RAF1: variants seen among roughly 807,000 people sequenced by gnomAD.
The protein encoded by RAF1 is RAF proto-oncogene serine/threonine-protein kinase.
In RAF1, 27 loss-of-function variants were observed where a neutral mutation model predicts 81.1. That is an observed-to-expected ratio of 0.33 (90% confidence interval 0.25 to 0.46). RAF1 has a LOEUF of 0.46. Among genes scored for constraint, RAF1 ranks in the 20% least tolerant of loss-of-function variants. RAF1 has a pLI of 1.00. For synonymous variants in RAF1, 298 were observed against 294.0 expected, an observed-to-expected ratio of 1.01 and a Z score of -0.14; for missense variants, 598 against 826.0, an observed-to-expected ratio of 0.72 and a Z score of 3.38.
chr3:12,587,652 G>A lies in RAF1; in HGVS notation c.1431-15C>T. The A allele has an allele frequency of 6.3e-7, 1 of 1,599,984 alleles. No homozygotes were observed. Among genetic ancestry groups the A allele is most frequent in the East Asian group, 2.2e-5 (1 of 44,820 alleles). On this transcript the variant is annotated splice_polypyrimidine_tract_variant and intron_variant, in intron 13 of 17. Transcript: ENST00000442415. ...CATGCAAATAGCTGTGAAGGGAAAA[G>A]AAATTATTAAAAATAAGTTTGAGGG... is the stretch of plus-strand genomic sequence containing the variant.
chr3:12,620,548 G>A (rs910508647), intron 1 of RAF1, among the ~76,000 whole-genome samples: 1 of 152,054 alleles, frequency 6.6e-6, no homozygotes, highest in Non-Finnish European at 1.5e-5. Context: ...ACAGCTCACT[G>A]CAGCTTCAAT....
At chr3:12,635,637 C>CAAAAA (rs34576938) in intron 1 of RAF1, among the ~76,000 whole-genome samples, 6 of 73,276 alleles carry the variant, frequency 8.2e-5, no homozygotes, top group South Asian at 1.0e-3. Flanking sequence ...ACTCCAGCTC[C>CAAAAA]AAAAAAAAAA....
chr3:12,631,007 T>C (rs901818288), intron 1 of RAF1, among the ~76,000 whole-genome samples: 14 of 152,136 alleles, frequency 9.2e-5, no homozygotes, highest in Non-Finnish European at 2.1e-4. Context: ...GGTTTCACTG[T>C]GTTGGCCAGG....
Position 12,591,568 on chromosome 3 carries a change from G to C in RAF1, c.1253+140C>G, listed in dbSNP as rs2058515363. 21 of 729,810 alleles carry C rather than the reference G, an allele frequency of 2.9e-5. No homozygotes were observed. In the South Asian group the frequency reaches 2.9e-4, roughly 10 times the overall value. The allele number at this position is 729,810 out of a possible 1,614,324, so 45.2% of individuals were successfully genotyped here. A position where few individuals can be genotyped will look rare whatever the true frequency, so the allele number is the denominator to read the frequency against. On this transcript the variant is annotated intron_variant, in intron 12 of 17. Transcript: ENST00000442415. Reference sequence around the variant, plus strand: ...AAACATCCCTTTGCTCTCAAGGGAGGAGCATCCAACCACAGAAACTCCACA... The same window carrying C: ...AAACATCCCTTTGCTCTCAAGGGAGCAGCATCCAACCACAGAAACTCCACA...
intron 1 of RAF1, among the ~76,000 whole-genome samples, chr3:12,622,320 T>A (rs2059579592): frequency 6.6e-6 from 1 of 152,218 alleles, no homozygotes; most frequent in East Asian, 1.9e-4. Context: ...ATAATCCATG[T>A]AACAGCCTGA....
At chr3:12,649,120 AAAAG>A (rs1346994380) in intron 1 of RAF1, among the ~76,000 whole-genome samples, 6 of 152,300 alleles carry the variant, frequency 3.9e-5, no homozygotes, top group South Asian at 2.1e-4. Flanking sequence ...GTCTCAGAAA[AAAAG>A]AAAGAAAGAA....
At chr3:12,600,453 C>G (rs200961819) in intron 8 of RAF1, 38 bp from the exon 8 acceptor site, 1 of 1,612,106 alleles carries the variant, frequency 6.2e-7, no homozygotes. Context: ...CTCCTACACA[C>G]AAAAGATTTT....
Position 12,587,421 on chromosome 3 carries a change from G to C in RAF1, c.1477+170C>G, listed in dbSNP as rs2290159. The stretch of plus-strand genomic sequence containing the variant: ...GTCCAGGTGAGGCATAAGCTGCTGA[G>C]GGACAGGCCAAGCCTACTAATTTTC... On this transcript the variant is annotated intron_variant, in intron 14 of 17. Coordinates refer to ENST00000442415, the MANE Select transcript of RAF1 (RefSeq NM_001354689.3). 0.2 allele frequency: 141,512 copies of C among 716,148 alleles called. 15,320 individuals carry two copies. Among genetic ancestry groups the C allele is most frequent in the African/African-American group, 0.29 (16,721 of 56,906 alleles). 44.4% of individuals were successfully genotyped at this position (716,148 alleles called of 1,614,324 possible).
At chr3:12,625,967 C>T (rs1030011693) in intron 1 of RAF1, among the ~76,000 whole-genome samples, 4 of 151,456 alleles carry the variant, frequency 2.6e-5, no homozygotes, top group Admixed American at 6.6e-5. Flanking sequence ...AATAGATAAG[C>T]ATTAAAAAAA....
chr3:12,660,168 CT>C (rs1358060736), intron 1 of RAF1, among the ~76,000 whole-genome samples: 1 of 149,902 alleles, frequency 6.7e-6, no homozygotes, highest in African/African-American at 2.5e-5. Flanking sequence ...TAATATAATA[CT>C]TGATGTTTAA....
At chr3:12,617,998 G>A (rs1224220163) in intron 2 of RAF1, among the ~76,000 whole-genome samples, 1 of 151,854 alleles carries the variant, frequency 6.6e-6, no homozygotes, top group Non-Finnish European at 1.5e-5. Context: ...AAACTACGCA[G>A]AACTAAGTGG....
intron 1 of RAF1, among the ~76,000 whole-genome samples, chr3:12,627,977 G>A (rs1475273918): frequency 3.3e-5 from 5 of 152,292 alleles, no homozygotes; most frequent in South Asian, 2.1e-4. Flanking sequence ...AAAATTAGCC[G>A]GGTGTGATGG....
intron 1 of RAF1, among the ~76,000 whole-genome samples, chr3:12,656,767 C>G (rs1054151641): frequency 6.6e-6 from 1 of 152,118 alleles, no homozygotes; most frequent in Non-Finnish European, 1.5e-5. Flanking sequence ...GAGGCTGAGA[C>G]AGGTGGATCA....
chr3:12,624,248 T>C (rs1417587939), intron 1 of RAF1, among the ~76,000 whole-genome samples: 1 of 152,150 alleles, frequency 6.6e-6, no homozygotes, highest in Non-Finnish European at 1.5e-5. Context: ...TCAAGGGCCC[T>C]ACAAGTTGTC....
At chr3:12,642,695 C>CACAG (rs1455333014) in intron 1 of RAF1, among the ~76,000 whole-genome samples, 1 of 149,748 alleles carries the variant, frequency 6.7e-6, no homozygotes, top group Non-Finnish European at 1.5e-5. Context: ...CACACACACA[C>CACAG]ACACACACAC....
intron 1 of RAF1, among the ~76,000 whole-genome samples, chr3:12,657,468 T>G (rs2060732437): frequency 6.6e-6 from 1 of 152,142 alleles, no homozygotes; most frequent in Non-Finnish European, 1.5e-5. Flanking sequence ...AATATTTAAT[T>G]CTTAAGAATT....
At position 12,604,174 on chromosome 3, in the gene RAF1, C is replaced by A. The variant is rs2125397357; in HGVS notation, c.796G>T (p.Val266Phe). Residue 266 changes from valine (V) to phenylalanine (F), a missense_variant, in exon 7 of 18, where the codon GTC becomes TTC. Physicochemically the swap from Val to Phe is conservative, Grantham distance 50 (BLOSUM62 -1). This residue lies in a region of RAF1 where 194 missense variants were observed against 202.7 expected (regional missense o/e 0.96). Coordinates refer to ENST00000442415, the MANE Select transcript of RAF1 (RefSeq NM_001354689.3). ...CTGTCCACAGGCAGGGTGGTGCTGA[C>A]CATGTGGACATTAGGTGTGGATGTC... is the stretch of plus-strand genomic sequence containing the variant. The A allele has an allele frequency of 6.2e-7, 1 of 1,614,116 alleles. No individual in the cohort carries two copies. The highest frequency in any genetic ancestry group is 8.5e-7 in the Non-Finnish European group (1 of 1,180,018).
chr3:12,639,916 T>A (rs1360100674), intron 1 of RAF1, among the ~76,000 whole-genome samples: 5 of 152,022 alleles, frequency 3.3e-5, no homozygotes, highest in Non-Finnish European at 7.4e-5. Context: ...GCCAAGACAA[T>A]CCTAAGCAAA....
chr3:12,597,084 G>A (rs1402691524), intron 11 of RAF1, among the ~76,000 whole-genome samples: 1 of 152,018 alleles, frequency 6.6e-6, no homozygotes, highest in Non-Finnish European at 1.5e-5. Flanking sequence ...ATTTTTAGTA[G>A]AGACGGGGTT....
Sources: allele counts gnomAD v4.1 joint callset (sites outside exome capture counted in the v4.1 genomes callset), GRCh38; gene constraint gnomAD v4.1.1; regional missense constraint gnomAD v4.1.1; transcripts MANE v1.5; gene names NCBI Gene and HGNC (gene_info 2026-07-23, HGNC 2026-07-21).